The following DENND4B variants were observed in gnomAD, a reference collection of about 807,000 sequenced individuals.
The protein encoded by DENND4B is DENN domain containing 4B.
Under a neutral mutation model 161.0 loss-of-function variants are expected in DENND4B, and 67 were observed. The observed-to-expected ratio is 0.42, with a 90% confidence interval of 0.34 to 0.51. The LOEUF is 0.51. Among genes scored for constraint, DENND4B ranks in the 20% least tolerant of loss-of-function variants. The pLI is 0.08. For synonymous variants in DENND4B, 753 were observed against 813.8 expected (o/e 0.93, Z 1.27); for missense variants, 1,481 against 1,968.0 (o/e 0.75, Z 4.68).
intron 11 of DENND4B, 160 bp from the exon 12 acceptor site, chr1:153,939,964 C>T: frequency 1.2e-6 from 1 of 841,534 alleles, no homozygotes; most frequent in Non-Finnish European, 1.8e-6. Context: ...TGATATTTCC[C>T]ACATGTTCAG....
intron 6 of DENND4B, 90 bp downstream of exon 6, chr1:153,941,773 CAGCCCT>C: frequency 1.1e-5 from 16 of 1,426,288 alleles, no homozygotes; most frequent in East Asian, 2.5e-5. Flanking sequence ...ACCCTGTGCC[CAGCCCT>C]CCCCCCACCC....
Position 153,930,156 on chromosome 1 carries a change from T to C in DENND4B, c.*141A>G. On this transcript the variant is annotated 3_prime_UTR_variant, in exon 28 of 28. Transcript: ENST00000361217. The surrounding 1 kb of genome is among the most constrained non-coding windows in gnomAD (Gnocchi z 4.7). ...TGGTAACAGTGGATCCCTCTTCCTG[T>C]TGTCCTCGCTTGGAGCCTTTGACTG... The C allele has an allele frequency of 3.5e-6, 4 of 1,143,436 alleles. No homozygotes were observed. Among genetic ancestry groups the C allele is most frequent in the Non-Finnish European group, 3.6e-6 (3 of 830,438 alleles). The allele number at this position is 1,143,436 out of a possible 1,614,324, so 70.8% of individuals were successfully genotyped here. A position where few individuals can be genotyped will look rare whatever the true frequency, so the allele number is the denominator to read the frequency against.
chr1:153,931,064 C>T lies in DENND4B; in HGVS notation c.3997G>A (p.Ala1333Thr). The change falls in exon 25 of 28, where the codon GCC (alanine) becomes ACC (threonine). Residue 1333 changes from alanine (A) to threonine (T), a missense_variant and splice_region_variant. Physicochemically the swap from Ala to Thr is moderately conservative, Grantham distance 58 (BLOSUM62 0). Coordinates refer to ENST00000361217, the MANE Select transcript of DENND4B (RefSeq NM_014856.3). ...ASCDGPSHSQ[A>T]PSPWLTPDPA... ...TCAGGGGTTAGCCAAGGAGATGGGG[C>T]CTGGGGGAGCCAAGATAGTGGAGAC... The T allele has an allele frequency of 6.2e-7, 1 of 1,607,152 alleles. No individual in the cohort carries two copies. The highest frequency in any genetic ancestry group is 8.5e-7 in the Non-Finnish European group (1 of 1,177,054).
chr1:153,935,486 A>G (rs1026153698), intron 17 of DENND4B, among the ~76,000 whole-genome samples: 1 of 152,230 alleles, frequency 6.6e-6, no homozygotes, highest in African/African-American at 2.4e-5. Flanking sequence ...AGCTGGGACT[A>G]CAGGCACCCA....
rs1269643100 is a variant in DENND4B at position 153,936,479 on chromosome 1, C to T, written c.2439+63G>A. 5 of 1,469,086 alleles carry T rather than the reference C, an allele frequency of 3.4e-6. No individual in the cohort carries two copies. In the African/African-American group the frequency reaches 5.6e-5, roughly 16 times the overall value. The allele number at this position is 1,469,086 out of a possible 1,614,324, so 91.0% of individuals were successfully genotyped here. A position where few individuals can be genotyped will look rare whatever the true frequency, so the allele number is the denominator to read the frequency against. On this transcript the variant is annotated intron_variant, in intron 16 of 27. Coordinates refer to ENST00000361217, the MANE Select transcript of DENND4B (RefSeq NM_014856.3). The surrounding 1 kb of genome is among the most constrained non-coding windows in gnomAD (Gnocchi z 4.1). ...TCTCCACCAAGTTTCCCTCTCACAG[C>T]CCTCTCCAGCTGCACAAGGCTCACT... is the stretch of plus-strand genomic sequence containing the variant.
chr1:153,939,275 G>A (rs3216005), intron 12 of DENND4B, among the ~76,000 whole-genome samples: 5 of 82,060 alleles, frequency 6.1e-5, no homozygotes, highest in East Asian at 3.8e-4. Flanking sequence ...GCCTCAGACT[G>A]GGGGGGGTCT....
chr1:153,933,714 C>T lies in DENND4B; in HGVS notation c.3099G>A (p.Leu1033=), dbSNP rs748113087. 4.4e-6 allele frequency: 7 copies of T among 1,588,248 alleles called. No homozygotes were observed. Among genetic ancestry groups the T allele is most frequent in the African/African-American group, 1.3e-5 (1 of 74,362 alleles). Residue 1033 remains leucine (L), a synonymous_variant, in exon 20 of 28, where the codon CTG becomes CTA. Transcript: ENST00000361217. This position sits in a 1 kb window ranked among gnomAD's most constrained non-coding sequence, Gnocchi z 5.7. ...TGGGTCCCCGCCCACTTAGCCCTTCCAGGGCCTCAGTGGACTGGGCACTCA... is the reference window on the plus strand; with the variant it reads ...TGGGTCCCCGCCCACTTAGCCCTTCTAGGGCCTCAGTGGACTGGGCACTCA... ...SALSAQSTEA[L]EGLSGRGPKA...
intron 13 of DENND4B, among the ~76,000 whole-genome samples, chr1:153,938,447 A>G (rs1166073539): frequency 6.7e-6 from 1 of 149,806 alleles, no homozygotes; most frequent in South Asian, 2.1e-4. Context: ...TAACGCTTGT[A>G]ATCCCAGCAC....
At chr1:153,931,939 G>A (rs1678975704) in intron 24 of DENND4B, among the ~76,000 whole-genome samples, 1 of 152,040 alleles carries the variant, frequency 6.6e-6, no homozygotes, top group African/African-American at 2.4e-5. Context: ...GAGTAGCTGG[G>A]ATTACAGGCA....
rs745790808 is a variant in DENND4B, at chr1:153,936,196, A to G, written c.2440-8T>C. The G allele has an allele frequency of 1.2e-6, 2 of 1,601,032 alleles. No homozygotes were observed. Among genetic ancestry groups the G allele is most frequent in the Non-Finnish European group, 1.7e-6 (2 of 1,173,952 alleles). ...CAGTACCCGGTAACACACCTGGGCC[A>G]GGAGAGGCACAGGACAATGGGAGAC... On this transcript the variant is annotated splice_region_variant and splice_polypyrimidine_tract_variant and intron_variant, in intron 16 of 27. Coordinates refer to ENST00000361217, the MANE Select transcript of DENND4B (RefSeq NM_014856.3). The surrounding 1 kb of genome is among the most constrained non-coding windows in gnomAD (Gnocchi z 4.1).
chr1:153,936,686 C>G lies in DENND4B; in HGVS notation c.2295G>C (p.Arg765=). 6.2e-7 allele frequency: 1 copy of G among 1,612,542 alleles called. No homozygotes were observed. Among genetic ancestry groups the G allele is most frequent in the East Asian group, 2.2e-5 (1 of 44,860 alleles). ...KSAAVPELWA[R]CLLGHCYGLW... ...GCCCATAGCAGTGCCCCAGCAGGCA[C>G]CGGGCCCACAGCTCAGGCACAGCTG... Residue 765 remains arginine, a synonymous_variant, in exon 16 of 28, where the codon CGG becomes CGC. Coordinates refer to ENST00000361217, the MANE Select transcript of DENND4B (RefSeq NM_014856.3). The surrounding 1 kb of genome is among the most constrained non-coding windows in gnomAD (Gnocchi z 4.1).
chr1:153,937,650 A>G lies in DENND4B; in HGVS notation c.2106-36T>C. ...AGAGAGAAGCAACATCGGGGCAGTC[A>G]GCACAGGGCGAAGCGAGTTGGACTG... On this transcript the variant is annotated intron_variant, in intron 14 of 27. Coordinates refer to ENST00000361217, the MANE Select transcript of DENND4B (RefSeq NM_014856.3). The surrounding 1 kb of genome is among the most constrained non-coding windows in gnomAD (Gnocchi z 4.7). 1 of 1,611,892 alleles carries G rather than the reference A, an allele frequency of 6.2e-7. No homozygotes were observed. The highest frequency in any genetic ancestry group is 8.5e-7 in the Non-Finnish European group (1 of 1,178,300).
rs1386026347 is a variant in DENND4B at position 153,933,211 on chromosome 1, A to G, written c.3439T>C (p.Ser1147Pro). The G allele has an allele frequency of 6.2e-7, 1 of 1,613,082 alleles. No homozygotes were observed. Among genetic ancestry groups the G allele is most frequent in the Non-Finnish European group, 8.5e-7 (1 of 1,179,536 alleles). ...RLSDTPGSFQ[S>P]PSLEILLSSC... ...GTTATCCTCACTTCCAGGGAAGGTG[A>G]CTGGAAGGATCCAGGGGTGTCACTG... Residue 1147 changes from serine to proline, a missense_variant, in exon 21 of 28, where the codon TCA (serine) becomes CCA (proline). Transcript: ENST00000361217. This position sits in a 1 kb window ranked among gnomAD's most constrained non-coding sequence, Gnocchi z 5.7.
At position 153,934,239 on chromosome 1, in the gene DENND4B, C is replaced by T. The variant is rs201367934; in HGVS notation, c.2837G>A (p.Arg946Gln). Reference sequence around the variant, plus strand: ...GGGTGAGGCTGGGTCTCTCAGACTTCGCCCAGCCCAAGTAGTCTGGCGCTG... The same window carrying T: ...GGGTGAGGCTGGGTCTCTCAGACTTTGCCCAGCCCAAGTAGTCTGGCGCTG... ...PLQRQTTWAG[R>Q]SLRDPASPPG... is the part of the protein sequence containing the mutation. The change falls in exon 19 of 28, where the codon CGA (arginine) becomes CAA (glutamine). Residue 946 changes from arginine to glutamine, a missense_variant. This residue lies in a region of DENND4B where 339 missense variants were observed against 330.3 expected (regional missense o/e 1.03). Transcript: ENST00000361217. This position sits in a 1 kb window ranked among gnomAD's most constrained non-coding sequence, Gnocchi z 5.3. 370 of 1,601,356 alleles carry T rather than the reference C, an allele frequency of 2.3e-4. No individual in the cohort carries two copies. Among genetic ancestry groups the T allele is most frequent in the South Asian group, 2.8e-4 (25 of 89,130 alleles).
intron 1 of DENND4B, chr1:153,945,069 G>A (rs1041435016): frequency 1.7e-5 from 22 of 1,278,662 alleles, no homozygotes; most frequent in Non-Finnish European, 2.2e-5. Context: ...ACAAGTCCCG[G>A]CCATCCCACA....
Position 153,943,102 on chromosome 1 carries a change from T to C in DENND4B, c.346A>G (p.Lys116Glu), listed in dbSNP as rs1679769575. The C allele has an allele frequency of 1.9e-6, 3 of 1,613,674 alleles. No individual in the cohort carries two copies. Among genetic ancestry groups the C allele is most frequent in the Non-Finnish European group, 2.5e-6 (3 of 1,179,788 alleles). Residue 116 changes from lysine (K) to glutamate (E), a missense_variant, in exon 3 of 28, where the codon AAG becomes GAG. Physicochemically the swap from Lys to Glu is moderately conservative, Grantham distance 56. This residue lies in a region of DENND4B where 806 missense variants were observed against 1,134.4 expected (regional missense o/e 0.71). Coordinates refer to ENST00000361217, the MANE Select transcript of DENND4B (RefSeq NM_014856.3). ...GVLYEGKERPKPGFQVLDTTP... is the reference protein window; with the variant it reads ...GVLYEGKERPEPGFQVLDTTP... The stretch of plus-strand genomic sequence containing the variant: ...GTGTCAAGCACTTGGAAGCCAGGCT[T>C]GGGACGTTCCTTCCCCTCATACAAC...
At chr1:153,939,166 G>T in intron 12 of DENND4B, 121 bp from the exon 13 acceptor site, 1 of 1,274,046 alleles carries the variant, frequency 7.8e-7, no homozygotes, top group Non-Finnish European at 1.1e-6. Context: ...TAATCTCTTG[G>T]ACCCTCTGGC....
intron 2 of DENND4B, among the ~76,000 whole-genome samples, chr1:153,943,677 A>T (rs1032829490): frequency 8.5e-6 from 1 of 117,810 alleles, no homozygotes; most frequent in African/African-American, 3.7e-5. Flanking sequence ...GACTCTGTCT[A>T]TAAAAAAAAA....
chr1:153,933,177 G>GAC lies in DENND4B; in HGVS notation c.3453+19_3453+20insGT. On this transcript the variant is annotated intron_variant, in intron 21 of 27. Transcript: ENST00000361217. This position sits in a 1 kb window ranked among gnomAD's most constrained non-coding sequence, Gnocchi z 5.7. ...GCTATGTGTGTTCAAGCACATCTGT[G>GAC]TGGGAGGGGTTATCCTCACTTCCAG... 6.2e-7 allele frequency: 1 copy of GAC among 1,612,742 alleles called. No homozygotes were observed. Among genetic ancestry groups the GAC allele is most frequent in the East Asian group, 2.2e-5 (1 of 44,846 alleles).
Sources: gnomAD v4.1 joint callset for allele counts (sites outside exome capture counted in the v4.1 genomes callset) on GRCh38, gnomAD v4.1.1 for gene constraint, gnomAD v4.1.1 regional missense constraint, Gnocchi (gnomAD v3.1) non-coding constraint, MANE v1.5 for transcripts, NCBI Gene and HGNC (gene_info 2026-07-23, HGNC 2026-07-21) for gene names.